Variants in ASAP2 observed in about 807,000 individuals in gnomAD.
ASAP2 encodes the protein ArfGAP with SH3 domain, ankyrin repeat and PH domain 2.
Under a neutral mutation model 131.4 loss-of-function variants are expected in ASAP2, and 45 were observed. The observed-to-expected ratio is 0.34, with a 90% CI of 0.27 to 0.44. The LOEUF (loss-of-function observed/expected upper bound fraction) is 0.44. Ranked by LOEUF, ASAP2 falls within the 20% of genes least tolerant of loss-of-function variation. The pLI, the probability that ASAP2 is intolerant of heterozygous loss-of-function variation, is 1.00. For synonymous variants in ASAP2, 510 were observed against 503.0 expected (o/e 1.01, Z -0.19); for missense variants, 1,011 against 1,297.0 (o/e 0.78, Z 3.39).
At chr2:9,222,074 CA>C (rs1171138011) in intron 1 of ASAP2, among the ~76,000 whole-genome samples, 1 of 152,194 alleles carries the variant, frequency 6.6e-6, no homozygotes, top group East Asian at 1.9e-4. Context: ...AGGCGTGAGC[CA>C]CCGCGCTGGC....
chr2:9,304,042 G>T (rs534442236), intron 3 of ASAP2, among the ~76,000 whole-genome samples: 3 of 152,182 alleles, frequency 2.0e-5, no homozygotes, highest in Non-Finnish European at 2.9e-5. Flanking sequence ...ACATGTGCCG[G>T]GACAGCCACT....
intron 15 of ASAP2, among the ~76,000 whole-genome samples, chr2:9,361,039 C>T (rs1016440653): frequency 6.6e-6 from 1 of 152,156 alleles, no homozygotes; most frequent in East Asian, 1.9e-4. Flanking sequence ...CTTGATGAAA[C>T]GATGAGGTGA....
intron 15 of ASAP2, 121 bp downstream of exon 15, chr2:9,359,010 G>T: frequency 8.1e-7 from 1 of 1,236,104 alleles, no homozygotes; most frequent in Non-Finnish European, 1.1e-6. Flanking sequence ...AGATTGGTTT[G>T]GATAATTAGA....
chr2:9,297,130 C>A (rs1668197886), intron 2 of ASAP2, among the ~76,000 whole-genome samples, 170 bp from the exon 3 acceptor site: 1 of 152,140 alleles, frequency 6.6e-6, no homozygotes, highest in Non-Finnish European at 1.5e-5. Context: ...TTGCCGGCAC[C>A]ACGGGTTGTT....
Position 9,379,040 on chromosome 2 carries a change from G to A in ASAP2, c.1929G>A (p.Gly643=), listed in dbSNP as rs765943041. 1.9e-6 allele frequency: 3 copies of A among 1,571,964 alleles called. No individual in the cohort carries two copies. Among genetic ancestry groups the A allele is most frequent in the African/African-American group, 2.7e-5 (2 of 72,926 alleles). The change falls in exon 19 of 28, where the codon GGG becomes GGA. Residue 643 remains glycine, a synonymous_variant. Transcript: ENST00000281419. Reference sequence around the variant, plus strand: ...AGTGCCTCAAGTTGCTCCTGCGGGGGAAGGCCTCCATCGAGATAGGTGAGT... The same window carrying A: ...AGTGCCTCAAGTTGCTCCTGCGGGGAAAGGCCTCCATCGAGATAGGTGAGT... ...NAECLKLLLR[G]KASIEIANES...
chr2:9,231,428 T>G (rs1376920331), intron 1 of ASAP2, among the ~76,000 whole-genome samples: 1 of 152,170 alleles, frequency 6.6e-6, no homozygotes, highest in African/African-American at 2.4e-5. Flanking sequence ...AGCCTGGGCT[T>G]TGACAGACTT....
chr2:9,318,182 G>T (rs1448541598), intron 3 of ASAP2, among the ~76,000 whole-genome samples: 2 of 152,160 alleles, frequency 1.3e-5, no homozygotes, highest in Non-Finnish European at 1.5e-5. Context: ...AGAAGTGGGG[G>T]TTTCCTTTTA....
rs1363817348 is a variant in ASAP2, at chr2:9,281,271, G to A, written c.199+1882G>A. Among the ~76,000 whole-genome samples, 1 of 152,130 alleles carries A rather than the reference G, an allele frequency of 6.6e-6. No homozygotes were observed. Among genetic ancestry groups the A allele is most frequent in the African/African-American group, 2.4e-5 (1 of 41,426 alleles). ...GGTTGCTCTTATCAGAAATAAAAAT[G>A]AAATAATCTGTGTCTTATGCAAACA... On this transcript the variant is annotated intron_variant, in intron 2 of 27. Transcript: ENST00000281419. The surrounding 1 kb of genome is among the most constrained non-coding windows in gnomAD (Gnocchi z 4.0).
At chr2:9,231,576 G>A (rs750607659) in intron 1 of ASAP2, among the ~76,000 whole-genome samples, 49 of 152,234 alleles carry the variant, frequency 3.2e-4, no homozygotes, top group African/African-American at 7.9e-4. Flanking sequence ...CCCGGGTGCC[G>A]CCACACCCCT....
At chr2:9,271,341 A>C in intron 1 of ASAP2, 1 of 1,089,114 alleles carries the variant, frequency 9.2e-7, no homozygotes. Flanking sequence ...TCTACGAGGA[A>C]CTGGCATAAT....
rs1558326848 is a variant in ASAP2, at chr2:9,318,455, T to C, written c.346-69T>C. The C allele has an allele frequency of 2.6e-6, 3 of 1,150,486 alleles. No homozygotes were observed. The East Asian group carries it at 7.4e-5, about 28-fold the overall frequency. 71.3% of individuals were successfully genotyped at this position (1,150,486 alleles called of 1,614,324 possible). ...TCATTATCAAATGTTCTCTCTAATG[T>C]CCTTGCTGTCCTTACTTTAGATTCA... is the stretch of plus-strand genomic sequence containing the variant. On this transcript the variant is annotated intron_variant, in intron 3 of 27. Coordinates refer to ENST00000281419, the MANE Select transcript of ASAP2 (RefSeq NM_003887.3).
At position 9,320,002 on chromosome 2, in the gene ASAP2, G is replaced by A. The variant is rs201037488; in HGVS notation, c.421-286G>A. On this transcript the variant is annotated intron_variant, in intron 4 of 27. Coordinates refer to ENST00000281419, the MANE Select transcript of ASAP2 (RefSeq NM_003887.3). The stretch of plus-strand genomic sequence containing the variant: ...CAGATTAGGCCCAGGGCAGGGAGTA[G>A]GGCACAGGTGACACAAGGTGGCCCA... Among the ~76,000 whole-genome samples, 8 of 152,314 alleles carry A rather than the reference G, an allele frequency of 5.3e-5. No homozygotes were observed. The East Asian group carries it at 1.5e-3, about 29-fold the overall frequency.
At position 9,387,087 on chromosome 2, in the gene ASAP2, G is replaced by A. The variant is rs564580735; in HGVS notation, c.2131-1207G>A. On this transcript the variant is annotated intron_variant, in intron 21 of 27. Transcript: ENST00000281419. ...CGGGCTTGGTGGTGGGTGGGGGGGCGCCTGTAGTCCCAGCTACTCAGGAGG... is the reference window on the plus strand; with the variant it reads ...CGGGCTTGGTGGTGGGTGGGGGGGCACCTGTAGTCCCAGCTACTCAGGAGG... 2.3e-3 allele frequency among the ~76,000 whole-genome samples: 341 copies of A among 150,142 alleles called. 1 individual carries two copies. Among genetic ancestry groups the A allele is most frequent in the Middle Eastern group, 3.4e-3 (1 of 290 alleles).
chr2:9,380,902 G>A, intron 20 of ASAP2, 94 bp downstream of exon 20: 1 of 1,308,700 alleles, frequency 7.6e-7, no homozygotes, highest in Non-Finnish European at 1.1e-6. Flanking sequence ...GTGAACCAGT[G>A]TCCTGAGCAG....
intron 20 of ASAP2, among the ~76,000 whole-genome samples, chr2:9,381,367 G>C (rs548750608): frequency 7.2e-4 from 110 of 152,348 alleles, no homozygotes; most frequent in African/African-American, 2.5e-3. Flanking sequence ...AGTGCAGTCA[G>C]TTATACCAGT....
At chr2:9,293,559 G>A (rs1312781455) in intron 2 of ASAP2, among the ~76,000 whole-genome samples, 1 of 152,152 alleles carries the variant, frequency 6.6e-6, no homozygotes, top group Non-Finnish European at 1.5e-5. Flanking sequence ...TTTTAAGGTT[G>A]TTTTTGGCAA....
intron 9 of ASAP2, among the ~76,000 whole-genome samples, chr2:9,343,556 C>G (rs542828022): frequency 6.6e-6 from 1 of 152,332 alleles, no homozygotes; most frequent in East Asian, 1.9e-4. Flanking sequence ...AAGCAGTCCT[C>G]CTGCTTCAGC....
At chr2:9,226,784 G>GC (rs1662801237) in intron 1 of ASAP2, among the ~76,000 whole-genome samples, 1 of 152,212 alleles carries the variant, frequency 6.6e-6, no homozygotes, top group Non-Finnish European at 1.5e-5. Context: ...CAAACGGTGT[G>GC]CTCTTCCCTG....
At chr2:9,225,471 A>T (rs989022355) in intron 1 of ASAP2, among the ~76,000 whole-genome samples, 9 of 152,122 alleles carry the variant, frequency 5.9e-5, no homozygotes, top group African/African-American at 1.7e-4. Context: ...AAATGAAAGC[A>T]AGTACTTTCA....
Sources: gnomAD v4.1 joint callset for allele counts (sites outside exome capture counted in the v4.1 genomes callset) on GRCh38, gnomAD v4.1.1 for gene constraint, Gnocchi (gnomAD v3.1) non-coding constraint, MANE v1.5 for transcripts, NCBI Gene and HGNC (gene_info 2026-07-23, HGNC 2026-07-21) for gene names.